Variants in TRMT10A observed in about 807,000 individuals in gnomAD.
TRMT10A encodes tRNA methyltransferase 10 homolog A.
In TRMT10A, 37 loss-of-function variants were observed where a neutral mutation model predicts 40.4. That is an observed-to-expected ratio of 0.92 (90% CI 0.71 to 1.21). The LOEUF (loss-of-function observed/expected upper bound fraction) is 1.21. TRMT10A is among the 50% of genes most tolerant of loss of function. TRMT10A has a pLI of 0.00. For missense variants in TRMT10A, 388 were observed against 404.3 expected (o/e 0.96, Z 0.35); for synonymous variants, 103 against 134.1 (o/e 0.77, Z 1.60).
rs2110183145 is a variant in TRMT10A, at chr4:99,550,941, A to G, written c.695T>C (p.Leu232Pro). The change falls in exon 7 of 8, where the codon CTC becomes CCC. Residue 232 changes from leucine (L) to proline (P), a missense_variant. Transcript: ENST00000394876. ...CATCTTCACAAAATTTCCAAGTGGG[A>G]GCTGTGCATGATTGATTCCATAATC... ...ASDYGINHAQ[L>P]PLGNFVKMNS... The G allele has an allele frequency of 1.2e-6, 2 of 1,613,252 alleles. No individual in the cohort carries two copies. Among genetic ancestry groups the G allele is most frequent in the East Asian group, 2.2e-5 (1 of 44,728 alleles).
chr4:99,553,311 A>C (rs1724033787), intron 6 of TRMT10A, among the ~76,000 whole-genome samples: 1 of 152,202 alleles, frequency 6.6e-6, no homozygotes, highest in Non-Finnish European at 1.5e-5. Flanking sequence ...TCATCCAAAT[A>C]AAGGTATGGA....
At chr4:99,560,445 TGACTCAGGATGCA>T (rs1724342695) in intron 1 of TRMT10A, among the ~76,000 whole-genome samples, 1 of 152,030 alleles carries the variant, frequency 6.6e-6, no homozygotes, top group Non-Finnish European at 1.5e-5. Flanking sequence ...GAAGACAATC[TGACTCAGGATGCA>T]GACACAAATA....
intron 1 of TRMT10A, chr4:99,563,616 A>C (rs1045579064): frequency 3.7e-6 from 1 of 267,060 alleles, no homozygotes; most frequent in Non-Finnish European, 7.6e-6. Context: ...AAAGCGCCCC[A>C]CCACGGGGCG....
chr4:99,563,065 C>A (rs1724509678), intron 1 of TRMT10A, among the ~76,000 whole-genome samples: 1 of 152,194 alleles, frequency 6.6e-6, no homozygotes, highest in Admixed American at 6.5e-5. Context: ...AGGTGATCCA[C>A]CCGCCTTGCC....
rs190969927 is a variant in TRMT10A, at chr4:99,551,574, T to G, written c.646-584A>C. Among the ~76,000 whole-genome samples the G allele has an allele frequency of 4.9e-3, 743 of 152,260 alleles. 5 individuals carry two copies. Among genetic ancestry groups the G allele is most frequent in the Non-Finnish European group, 9.3e-3 (631 of 68,014 alleles). ...CATAAAAGTACAGCACATACAATTA[T>G]GTACAGTACATAACACCTGATAATG... On this transcript the variant is annotated intron_variant, in intron 6 of 7. Coordinates refer to ENST00000394876, the MANE Select transcript of TRMT10A (RefSeq NM_001134665.3).
At chr4:99,557,901 T>C (rs970204417) in intron 3 of TRMT10A, 148 bp downstream of exon 3, 16 of 675,478 alleles carry the variant, frequency 2.4e-5, no homozygotes, top group Non-Finnish European at 3.8e-5. Flanking sequence ...CAATGCAATT[T>C]GCTAGCTAAT....
chr4:99,562,852 G>C (rs545037378), intron 1 of TRMT10A, among the ~76,000 whole-genome samples: 32 of 129,762 alleles, frequency 2.5e-4, no homozygotes, highest in Admixed American at 1.0e-3. Flanking sequence ...ACGGAGTTTC[G>C]CTCTTGTTGC....
chr4:99,551,131 G>T, intron 6 of TRMT10A, 141 bp from the exon 7 acceptor site: 1 of 596,832 alleles, frequency 1.7e-6, no homozygotes, highest in Non-Finnish European at 2.8e-6. Flanking sequence ...GGGTATGTGT[G>T]TGTTTTACTG....
intron 1 of TRMT10A, among the ~76,000 whole-genome samples, chr4:99,562,775 T>C (rs13102118): frequency 0.014 from 2,059 of 151,966 alleles, 25 homozygotes; most frequent in Middle Eastern, 0.027. Flanking sequence ...TCCACCCGCC[T>C]CGGCTTCCCA....
At position 99,548,945 on chromosome 4, in the gene TRMT10A, T is replaced by TA. The variant is rs1723847912; in HGVS notation, c.*142dup. On this transcript the variant is annotated 3_prime_UTR_variant, in exon 8 of 8. Transcript: ENST00000394876. ...ACAAAGTTTAAAGGGCTTTTTTTTT[T>TA]ATTATTATTTAGGTCCAAAAAAAAG... The TA allele has an allele frequency of 2.7e-6, 2 of 734,198 alleles. No homozygotes were observed. Among genetic ancestry groups the TA allele is most frequent in the African/African-American group, 1.8e-5 (1 of 54,858 alleles). The allele number at this position is 734,198 out of a possible 1,614,324, so 45.5% of individuals were successfully genotyped here. A position where few individuals can be genotyped will look rare whatever the true frequency, so the allele number is the denominator to read the frequency against.
At chr4:99,562,167 T>C (rs1238727247) in intron 1 of TRMT10A, among the ~76,000 whole-genome samples, 2 of 139,334 alleles carry the variant, frequency 1.4e-5, no homozygotes, top group African/African-American at 2.7e-5. Flanking sequence ...TAAGACTCCG[T>C]CTCCAAAAAA....
At chr4:99,551,020 G>A in intron 6 of TRMT10A, 30 bp from the exon 7 acceptor site, 1 of 1,456,974 alleles carries the variant, frequency 6.9e-7, no homozygotes, top group Non-Finnish European at 9.4e-7. Context: ...ACTTCGACAA[G>A]AACATTAAAT....
chr4:99,555,322 T>A (rs528814557), intron 5 of TRMT10A, among the ~76,000 whole-genome samples: 10 of 152,304 alleles, frequency 6.6e-5, no homozygotes, highest in African/African-American at 2.2e-4. Flanking sequence ...AAAGGGAAAG[T>A]GTGTCACTGA....
chr4:99,560,688 T>C (rs914854505), intron 1 of TRMT10A, among the ~76,000 whole-genome samples: 3 of 152,126 alleles, frequency 2.0e-5, no homozygotes, highest in African/African-American at 7.2e-5. Context: ...TTAAAAAATA[T>C]GTATTTTGAT....
intron 5 of TRMT10A, 63 bp from the exon 6 acceptor site, chr4:99,553,997 G>T: frequency 6.6e-7 from 1 of 1,517,898 alleles, no homozygotes; most frequent in South Asian, 1.3e-5. Context: ...GGCTAAAAAT[G>T]ATTATTCTCT....
intron 6 of TRMT10A, among the ~76,000 whole-genome samples, chr4:99,551,219 T>G (rs1308795152): frequency 6.6e-6 from 1 of 152,186 alleles, no homozygotes; most frequent in Non-Finnish European, 1.5e-5. Context: ...AAGTTACAAA[T>G]GAGGAAACCA....
intron 1 of TRMT10A, among the ~76,000 whole-genome samples, chr4:99,563,156 T>C (rs769430544): frequency 6.6e-6 from 1 of 152,136 alleles, no homozygotes; most frequent in South Asian, 2.1e-4. Context: ...GGACTAAACG[T>C]GGAGGAGCGA....
Position 99,556,239 on chromosome 4 carries a change from G to A in TRMT10A, c.421-19C>T, listed in dbSNP as rs1724156595. On this transcript the variant is annotated intron_variant, in intron 4 of 7. Transcript: ENST00000394876. Reference sequence around the variant, plus strand: ...AGTAAAACTGATAAAAGATTTGTAAGTATAGAAAAAGAGAACAAATGACCA... The same window carrying A: ...AGTAAAACTGATAAAAGATTTGTAAATATAGAAAAAGAGAACAAATGACCA... 6.2e-7 allele frequency: 1 copy of A among 1,604,868 alleles called. No individual in the cohort carries two copies. The highest frequency in any genetic ancestry group is 8.5e-7 in the Non-Finnish European group (1 of 1,173,772).
At chr4:99,563,798 C>T (rs1204516100) in intron 1 of TRMT10A, 115 bp downstream of exon 1, 3 of 587,700 alleles carry the variant, frequency 5.1e-6, no homozygotes, top group Admixed American at 2.2e-5. Flanking sequence ...CACACCACTG[C>T]TCCCCTCTCC....
Sources: allele counts gnomAD v4.1 joint callset (sites outside exome capture counted in the v4.1 genomes callset), GRCh38; gene constraint gnomAD v4.1.1; transcripts MANE v1.5; gene names NCBI Gene and HGNC (gene_info 2026-07-23, HGNC 2026-07-21).